STK24: variants seen among roughly 807,000 people sequenced by gnomAD.
STK24 encodes serine/threonine kinase 24, also known as serine/threonine-protein kinase 24.
In STK24, 21 loss-of-function variants were observed where a neutral mutation model predicts 55.6. The observed-to-expected ratio is 0.38, with a 90% CI of 0.27 to 0.54. The LOEUF is 0.54. STK24 is among the 20% of genes least tolerant of loss of function. The pLI is 0.79. For synonymous variants in STK24, 200 were observed against 215.2 expected (o/e 0.93, Z 0.62); for missense variants, 383 against 538.4 (o/e 0.71, Z 2.86).
rs893459871 is a variant in STK24 at position 98,451,600 on chromosome 13, G to C, written c.*1573C>G. On this transcript the variant is annotated 3_prime_UTR_variant, in exon 11 of 11. Coordinates refer to ENST00000539966, the MANE Select transcript of STK24 (RefSeq NM_001032296.4). ...CTCTGTCCCCTCCCTATAGCTTAGA[G>C]GCCACTAGACCAGCAGATAGCTGAG... is the stretch of plus-strand genomic sequence containing the variant. 1.3e-5 allele frequency: 2 copies of C among 152,094 alleles called. No homozygotes were observed. The highest frequency in any genetic ancestry group is 2.9e-5 in the Non-Finnish European group (2 of 68,048). 9.4% of individuals were successfully genotyped at this position (152,094 alleles called of 1,614,324 possible). A position where few individuals can be genotyped will look rare whatever the true frequency, so the allele number is the denominator to read the frequency against.
intron 1 of STK24, among the ~76,000 whole-genome samples, 196 bp from the exon 2 acceptor site, chr13:98,519,669 G>A (rs1384606622): frequency 6.6e-6 from 1 of 152,176 alleles, no homozygotes; most frequent in South Asian, 2.1e-4. Context: ...ACCTACACAT[G>A]CGCATCAGAC....
intron 10 of STK24, chr13:98,456,048 G>T: frequency 6.5e-6 from 1 of 153,174 alleles, no homozygotes; most frequent in East Asian, 1.9e-4. Context: ...GGGAGGGATC[G>T]TCCTTCAATT....
intron 2 of STK24, among the ~76,000 whole-genome samples, chr13:98,515,069 T>G (rs918723178): frequency 2.0e-4 from 28 of 141,942 alleles, no homozygotes; most frequent in African/African-American, 6.3e-4. Context: ...GACACTCTGA[T>G]AGAATAGCAA....
intron 10 of STK24, 135 bp from the exon 11 acceptor site, chr13:98,453,344 G>A (rs1893290845): frequency 4.7e-6 from 4 of 844,122 alleles, no homozygotes; most frequent in Non-Finnish European, 5.6e-6. Flanking sequence ...AAATATCAAT[G>A]TGTAAGTCTA....
In STK24 at chr13:98,451,526, GCACTAGCAAACCGA is replaced by G. The variant is rs1246979783; in HGVS notation, c.*1633_*1646del. On this transcript the variant is annotated 3_prime_UTR_variant, in exon 11 of 11. Transcript: ENST00000539966. The stretch of plus-strand genomic sequence containing the variant: ...AATTTTAGAGCTTAAAAACCAGACT[GCACTAGCAAACCGA>G]CACAATAACCCACTCAAGCATCTGT... 6.6e-6 allele frequency: 1 copy of G among 152,052 alleles called. No homozygotes were observed. The highest frequency in any genetic ancestry group is 1.5e-5 in the Non-Finnish European group (1 of 68,030). The allele number at this position is 152,052 out of a possible 1,614,324, so 9.4% of individuals were successfully genotyped here. A position where few individuals can be genotyped will look rare whatever the true frequency, so the allele number is the denominator to read the frequency against.
At chr13:98,488,206 C>T (rs1327450477) in intron 2 of STK24, among the ~76,000 whole-genome samples, 1 of 148,722 alleles carries the variant, frequency 6.7e-6, no homozygotes, top group Non-Finnish European at 1.5e-5. Flanking sequence ...CACACACACA[C>T]GGGAAGACCA....
chr13:98,464,487 T>G (rs1381104591), intron 6 of STK24, among the ~76,000 whole-genome samples: 1 of 141,608 alleles, frequency 7.1e-6, no homozygotes, highest in African/African-American at 2.6e-5. Context: ...ATGTTCTGTG[T>G]TGTTTAACTT....
rs1322099272 is a variant in STK24, at chr13:98,446,337, CG to C, written c.*6835del. On this transcript the variant is annotated 3_prime_UTR_variant, in exon 11 of 11. Coordinates refer to ENST00000539966, the MANE Select transcript of STK24 (RefSeq NM_001032296.4). ...GTCACGGGGATGACAGGGATGCTGG[CG>C]GGGGGCCCTGTCCACCCGAGGCCCT... 7.8e-6 allele frequency: 5 copies of C among 641,374 alleles called. No individual in the cohort carries two copies. Among genetic ancestry groups the C allele is most frequent in the Admixed American group, 5.7e-5 (2 of 34,792 alleles). The allele number at this position is 641,374 out of a possible 1,614,324, so 39.7% of individuals were successfully genotyped here.
intron 2 of STK24, among the ~76,000 whole-genome samples, chr13:98,496,834 A>G (rs1895268753): frequency 2.0e-5 from 3 of 152,234 alleles, no homozygotes; most frequent in African/African-American, 7.2e-5. Context: ...AACAGGACAG[A>G]CATTTGCAAG....
intron 2 of STK24, among the ~76,000 whole-genome samples, chr13:98,486,371 C>T (rs1252475973): frequency 1.3e-5 from 2 of 152,124 alleles, no homozygotes; most frequent in East Asian, 3.9e-4. Context: ...CTGAAATGTG[C>T]CTCCAATGAG....
chr13:98,482,321 C>G lies in STK24; in HGVS notation c.274G>C (p.Asp92His). Reference protein sequence around the residue: ...VTKYYGSYLKDTKLWIIMEYL... With the variant: ...VTKYYGSYLKHTKLWIIMEYL... Reference sequence around the variant, plus strand: ...TCCATTATTATCCATAATTTTGTATCCTATAAAACAAAAAAAAGAAGAGAA... The same window carrying G: ...TCCATTATTATCCATAATTTTGTATGCTATAAAACAAAAAAAAGAAGAGAA... Residue 92 changes from aspartate (D) to histidine (H), a missense_variant and splice_region_variant, in exon 3 of 11, where the codon GAT becomes CAT. Asp to His is a moderately conservative substitution (Grantham distance 81). Coordinates refer to ENST00000539966, the MANE Select transcript of STK24 (RefSeq NM_001032296.4). 6.5e-7 allele frequency: 1 copy of G among 1,530,014 alleles called. No individual in the cohort carries two copies. Among genetic ancestry groups the G allele is most frequent in the Non-Finnish European group, 8.9e-7 (1 of 1,124,350 alleles). The allele number at this position is 1,530,014 out of a possible 1,614,324, so 94.8% of individuals were successfully genotyped here. A position where few individuals can be genotyped will look rare whatever the true frequency, so the allele number is the denominator to read the frequency against.
At chr13:98,520,227 AG>A in intron 1 of STK24, among the ~76,000 whole-genome samples, 1 of 152,360 alleles carries the variant, frequency 6.6e-6, no homozygotes, top group South Asian at 2.1e-4. Context: ...TGTCATCCAC[AG>A]GGCCTGTTTG....
intron 1 of STK24, among the ~76,000 whole-genome samples, chr13:98,571,052 C>T (rs1204203106): frequency 6.6e-6 from 1 of 152,170 alleles, no homozygotes; most frequent in Non-Finnish European, 1.5e-5. Flanking sequence ...GGAGCTTCCA[C>T]AAGGGCAGCT....
intron 1 of STK24, among the ~76,000 whole-genome samples, chr13:98,544,404 GTGGGCCCCAGGCAAC>G (rs1751425955): frequency 6.6e-6 from 1 of 152,254 alleles, no homozygotes; most frequent in Admixed American, 6.5e-5. Flanking sequence ...GCTTTGCACT[GTGGGCCCCAGGCAAC>G]TGGGCCCTGA....
At chr13:98,493,000 A>C (rs901263415) in intron 2 of STK24, among the ~76,000 whole-genome samples, 3 of 152,260 alleles carry the variant, frequency 2.0e-5, no homozygotes, top group African/African-American at 7.2e-5. Flanking sequence ...TTAATTTTTA[A>C]CTGATTTCCT....
intron 6 of STK24, 34 bp downstream of exon 6, chr13:98,466,342 T>TGAAGA: frequency 6.2e-7 from 1 of 1,602,534 alleles, no homozygotes; most frequent in Non-Finnish European, 8.5e-7. Flanking sequence ...AAGCCGCACA[T>TGAAGA]GAAGAGGTAC....
intron 2 of STK24, among the ~76,000 whole-genome samples, chr13:98,509,637 C>T (rs1380267161): frequency 2.0e-5 from 3 of 152,330 alleles, no homozygotes; most frequent in Admixed American, 6.5e-5. Flanking sequence ...ACCCTTGACA[C>T]GGTCTCCAGT....
At chr13:98,555,014 C>CAAAACAAAA (rs1897249104) in intron 1 of STK24, among the ~76,000 whole-genome samples, 1 of 88,342 alleles carries the variant, frequency 1.1e-5, no homozygotes, top group African/African-American at 4.3e-5. Context: ...GACTCCAACT[C>CAAAACAAAA]AAAAAAAAAA....
intron 1 of STK24, among the ~76,000 whole-genome samples, chr13:98,538,882 T>C (rs1176876284): frequency 4.6e-5 from 7 of 152,166 alleles, no homozygotes; most frequent in Non-Finnish European, 8.8e-5. Context: ...ATTTCATAAT[T>C]ACTGAGAAAA....
Sources: gnomAD v4.1 joint callset for allele counts (sites outside exome capture counted in the v4.1 genomes callset) on GRCh38, gnomAD v4.1.1 for gene constraint, MANE v1.5 for transcripts, NCBI Gene and HGNC (gene_info 2026-07-23, HGNC 2026-07-21) for gene names.